The following DNAAF5 variants were observed in gnomAD, a reference collection of about 807,000 sequenced individuals.
DNAAF5 encodes the protein HEAT repeat containing 2.
DNAAF5 carries 64 observed loss-of-function variants against 75.8 expected under a neutral mutation model. The observed-to-expected ratio is 0.84, with a 90% CI of 0.69 to 1.04. The LOEUF is 1.04. Among genes scored for constraint, DNAAF5 ranks in the 50% least tolerant of loss-of-function variants. DNAAF5 has a pLI of 0.00. For missense variants in DNAAF5, 1,269 were observed against 1,178.5 expected, an observed-to-expected ratio of 1.08 and a Z score of -1.12; for synonymous variants, 657 against 557.2, an observed-to-expected ratio of 1.18 and a Z score of -2.52.
intron 2 of DNAAF5, among the ~76,000 whole-genome samples, chr7:731,365 G>C (rs1781556411): frequency 6.6e-6 from 1 of 152,200 alleles, no homozygotes; most frequent in Non-Finnish European, 1.5e-5. Flanking sequence ...GAACTCTGTG[G>C]AGCACGCTCT....
At chr7:741,093 G>A (rs541717871) in intron 3 of DNAAF5, 150 bp downstream of exon 3, 35 of 980,638 alleles carry the variant, frequency 3.6e-5, no homozygotes, top group African/African-American at 2.3e-4. Flanking sequence ...AAGTCGTCTC[G>A]TTTTGTAAAT....
At chr7:738,995 C>A (rs1781819011) in intron 2 of DNAAF5, among the ~76,000 whole-genome samples, 1 of 152,242 alleles carries the variant, frequency 6.6e-6, no homozygotes, top group African/African-American at 2.4e-5. Flanking sequence ...GTGCTCAGGC[C>A]TTGTGGCCCT....
intron 9 of DNAAF5, chr7:771,754 G>C (rs1007331259): frequency 6.6e-6 from 1 of 152,182 alleles, no homozygotes; most frequent in Non-Finnish European, 1.5e-5. Context: ...ACTCACACTC[G>C]GCTGTATTTT....
intron 11 of DNAAF5, among the ~76,000 whole-genome samples, chr7:779,184 C>T (rs1239717993): frequency 2.0e-5 from 3 of 152,258 alleles, no homozygotes; most frequent in Admixed American, 6.5e-5. Flanking sequence ...GCAAAAGCAT[C>T]AGAGACCCAG....
intron 5 of DNAAF5, among the ~76,000 whole-genome samples, 190 bp downstream of exon 5, chr7:755,011 G>A (rs1164363421): frequency 3.3e-5 from 5 of 152,206 alleles, no homozygotes; most frequent in African/African-American, 1.2e-4. Context: ...AGGTAACAGC[G>A]TGTTGAGGGT....
chr7:782,459 C>T lies in DNAAF5; in HGVS notation c.2431+2315C>T, dbSNP rs1331322871. Among the ~76,000 whole-genome samples, 6 of 142,796 alleles carry T rather than the reference C, an allele frequency of 4.2e-5. 1 individual carries two copies. Among genetic ancestry groups the T allele is most frequent in the Non-Finnish European group, 6.1e-5 (4 of 65,486 alleles). The allele number at this position is 142,796 out of a possible 152,430, so 93.7% of individuals were successfully genotyped here. ...GCATCTTCCTGGTGTGGCCGCCTCC[C>T]GTCACGCGGCGTCAGAAACTCGGAT... is the stretch of plus-strand genomic sequence containing the variant. On this transcript the variant is annotated intron_variant, in intron 12 of 12. Coordinates refer to ENST00000297440, the MANE Select transcript of DNAAF5 (RefSeq NM_017802.4).
intron 11 of DNAAF5, among the ~76,000 whole-genome samples, chr7:776,144 C>T (rs1778754189): frequency 1.3e-5 from 2 of 152,046 alleles, no homozygotes; most frequent in Admixed American, 1.3e-4. Context: ...TAGAAACCAT[C>T]CTGGCCAAAA....
At position 775,271 on chromosome 7, in the gene DNAAF5, G is replaced by T. The variant is rs555361613; in HGVS notation, c.2239+109G>T. ...CCCAAACTCAGATCAAAACTATCTC[G>T]GGCTGGGTGTGGTGGTTCACACCTT... On this transcript the variant is annotated intron_variant, in intron 11 of 12. Coordinates refer to ENST00000297440, the MANE Select transcript of DNAAF5 (RefSeq NM_017802.4). The T allele has an allele frequency of 1.9e-4, 192 of 1,017,028 alleles. 2 individuals are homozygous for T. The South Asian group carries it at 2.7e-3, about 14-fold the overall frequency. 63.0% of individuals were successfully genotyped at this position (1,017,028 alleles called of 1,614,324 possible). A position where few individuals can be genotyped will look rare whatever the true frequency, so the allele number is the denominator to read the frequency against.
intron 8 of DNAAF5, among the ~76,000 whole-genome samples, chr7:767,295 G>GAAAT (rs1554254725): frequency 1.5e-4 from 7 of 48,268 alleles, no homozygotes; most frequent in Non-Finnish European, 2.8e-4. Context: ...CCAATTAAGT[G>GAAAT]AAATAGCTGC....
intron 9 of DNAAF5, chr7:772,599 C>T (rs770710029): frequency 1.3e-5 from 2 of 152,304 alleles, no homozygotes; most frequent in Admixed American, 6.5e-5. Flanking sequence ...CCTCGTTCCC[C>T]GGCTCTGCAG....
intron 4 of DNAAF5, among the ~76,000 whole-genome samples, chr7:741,967 G>T (rs181599391): frequency 3.9e-5 from 6 of 152,334 alleles, no homozygotes; most frequent in South Asian, 2.1e-4. Context: ...AGGGTCTCCT[G>T]CTGCGTGGCC....
chr7:776,295 C>A (rs1778758708), intron 11 of DNAAF5, among the ~76,000 whole-genome samples: 1 of 151,892 alleles, frequency 6.6e-6, no homozygotes, highest in Non-Finnish European at 1.5e-5. Context: ...AAGATCGCAC[C>A]ATTGCACTCC....
intron 2 of DNAAF5, among the ~76,000 whole-genome samples, chr7:731,723 A>G (rs1177895305): frequency 6.6e-6 from 1 of 151,294 alleles, no homozygotes; most frequent in Non-Finnish European, 1.5e-5. Context: ...CATTAGTGTT[A>G]GTGTTATTTT....
intron 2 of DNAAF5, among the ~76,000 whole-genome samples, chr7:732,872 A>G (rs1037562316): frequency 2.0e-5 from 3 of 152,048 alleles, no homozygotes; most frequent in Admixed American, 6.6e-5. Context: ...TGTCCCAGAG[A>G]GTTTCCCCAA....
chr7:736,225 A>G (rs553113539), intron 2 of DNAAF5, among the ~76,000 whole-genome samples: 1 of 152,350 alleles, frequency 6.6e-6, no homozygotes, highest in Admixed American at 6.5e-5. Flanking sequence ...GAGGTCCATT[A>G]GATCTATAGT....
chr7:763,728 G>T, intron 7 of DNAAF5, 78 bp from the exon 8 acceptor site: 1 of 1,486,178 alleles, frequency 6.7e-7, no homozygotes, highest in Non-Finnish European at 9.2e-7. Context: ...GCGTGAGGGG[G>T]ATAGTGAGTC....
chr7:727,096 G>A lies in DNAAF5; in HGVS notation c.376G>A (p.Ala126Thr). 1 of 1,067,370 alleles carries A rather than the reference G, an allele frequency of 9.4e-7. No homozygotes were observed. Among genetic ancestry groups the A allele is most frequent in the Non-Finnish European group, 1.1e-6 (1 of 886,598 alleles). 66.1% of individuals were successfully genotyped at this position (1,067,370 alleles called of 1,614,324 possible). Reference protein sequence around the residue: ...RLLPALAARLAGPVPARRPPE... With the variant: ...RLLPALAARLTGPVPARRPPE... ...GCTGCCCGCGCTCGCCGCGCGCTTG[G>A]CCGGCCCCGTGCCCGCGCGCCGCCC... The change falls in exon 1 of 13, where the codon GCC becomes ACC. Residue 126 changes from alanine to threonine, a missense_variant. By Grantham distance (58) the Ala-to-Thr change is moderately conservative. Transcript: ENST00000297440.
intron 2 of DNAAF5, among the ~76,000 whole-genome samples, chr7:737,662 A>C (rs752541039): frequency 6.6e-6 from 1 of 152,188 alleles, no homozygotes; most frequent in Non-Finnish European, 1.5e-5. Context: ...TGTCTCCTTC[A>C]TGTTTGAAGG....
intron 4 of DNAAF5, among the ~76,000 whole-genome samples, chr7:748,236 G>T (rs1232798106): frequency 1.4e-5 from 1 of 69,758 alleles, no homozygotes. Context: ...GGTGTTGGTG[G>T]GGTTTGCTGG....
Sources: allele counts gnomAD v4.1 joint callset (sites outside exome capture counted in the v4.1 genomes callset), GRCh38; gene constraint gnomAD v4.1.1; transcripts MANE v1.5; gene names NCBI Gene and HGNC (gene_info 2026-07-23, HGNC 2026-07-21).